The following RMST variants were observed in gnomAD, a reference collection of about 807,000 sequenced individuals.
The protein encoded by RMST is rhabdomyosarcoma 2 associated transcript, also known as long intergenic non-protein coding RNA 54.
At chr12:97,530,062 A>G (rs920708072) in intron 10 of RMST, among the ~76,000 whole-genome samples, 2 of 152,098 alleles carry the variant, frequency 1.3e-5, no homozygotes, top group Non-Finnish European at 2.9e-5. Context: ...TAATTTCACA[A>G]TGTCAGAATA....
chr12:97,499,708 G>A (rs1877876405), intron 10 of RMST, among the ~76,000 whole-genome samples: 1 of 134,348 alleles, frequency 7.4e-6, no homozygotes. Flanking sequence ...TGCCCAGACT[G>A]GAGTGCAATG....
intron 11 of RMST, among the ~76,000 whole-genome samples, chr12:97,550,602 A>C (rs1565938232): frequency 6.6e-6 from 1 of 152,136 alleles, no homozygotes; most frequent in Non-Finnish European, 1.5e-5. Flanking sequence ...CAGTAATTGC[A>C]AAGTTAAATT....
chr12:97,552,016 C>A (rs1883344930), intron 11 of RMST: 1 of 152,140 alleles, frequency 6.6e-6, no homozygotes. Context: ...TAAGAAATCG[C>A]TAAATTATTA....
intron 11 of RMST, among the ~76,000 whole-genome samples, chr12:97,545,751 T>A (rs1882881892): frequency 6.6e-6 from 1 of 152,180 alleles, no homozygotes; most frequent in Admixed American, 6.5e-5. Context: ...TGGGATTGGA[T>A]GAGGAAAAAA....
intron 10 of RMST, among the ~76,000 whole-genome samples, chr12:97,526,047 A>G (rs1881076713): frequency 6.6e-6 from 1 of 151,976 alleles, no homozygotes; most frequent in Admixed American, 6.6e-5. Context: ...ATCTAGTTGC[A>G]GGAAAACAAG....
exon 13 of RMST, chr12:97,560,988 C>T (rs1376715146): frequency 6.6e-6 from 1 of 152,332 alleles, no homozygotes; most frequent in Non-Finnish European, 1.5e-5. Flanking sequence ...GAAAGTAGAG[C>T]TCGTGCTGTG....
At chr12:97,516,551 C>A (rs1291403766) in intron 10 of RMST, among the ~76,000 whole-genome samples, 1 of 151,664 alleles carries the variant, frequency 6.6e-6, no homozygotes, top group Non-Finnish European at 1.5e-5. Flanking sequence ...TTACTTTTTT[C>A]TTCATATTTC....
intron 10 of RMST, among the ~76,000 whole-genome samples, chr12:97,512,714 C>T (rs1879499208): frequency 1.3e-5 from 2 of 152,264 alleles, no homozygotes; most frequent in South Asian, 4.1e-4. Flanking sequence ...AGGAGCCCAG[C>T]GGGCTTTACC....
intron 11 of RMST, among the ~76,000 whole-genome samples, chr12:97,538,258 T>C (rs1049503143): frequency 5.3e-5 from 8 of 151,470 alleles, no homozygotes; most frequent in Admixed American, 4.6e-4. Flanking sequence ...GAATCTTTAA[T>C]CATTTAAAAA....
At chr12:97,482,439 C>T (rs1288082771) in intron 5 of RMST, among the ~76,000 whole-genome samples, 3 of 151,978 alleles carry the variant, frequency 2.0e-5, no homozygotes, top group Non-Finnish European at 4.4e-5. Flanking sequence ...TCCCATTACT[C>T]CTCATTACTT....
At chr12:97,524,075 C>CAGAGGAAAAAAAAAAAAAAAAA (rs57255256) in intron 10 of RMST, among the ~76,000 whole-genome samples, 1 of 56,118 alleles carries the variant, frequency 1.8e-5, no homozygotes, top group Non-Finnish European at 3.2e-5. Flanking sequence ...GACTCTGTCT[C>CAGAGGAAAAAAAAAAAAAAAAA]AAAAAAAAAA....
intron 11 of RMST, among the ~76,000 whole-genome samples, chr12:97,537,286 A>C (rs1882147010): frequency 6.6e-6 from 1 of 151,330 alleles, no homozygotes; most frequent in Admixed American, 6.6e-5. Context: ...TGATGATTAA[A>C]CCCTTAGGCA....
At chr12:97,515,749 CA>C (rs1245042399) in intron 10 of RMST, among the ~76,000 whole-genome samples, 6 of 151,848 alleles carry the variant, frequency 4.0e-5, no homozygotes, top group African/African-American at 1.2e-4. Flanking sequence ...TGATAAGTCC[CA>C]GGGGTGGGGT....
At chr12:97,472,111 C>A (rs1228702638) in intron 5 of RMST, among the ~76,000 whole-genome samples, 3 of 152,184 alleles carry the variant, frequency 2.0e-5, no homozygotes, top group Non-Finnish European at 4.4e-5. Flanking sequence ...ACGAATAATA[C>A]CATTCCATTT....
chr12:97,471,146 C>T (rs1189995152), intron 5 of RMST, among the ~76,000 whole-genome samples: 2 of 152,082 alleles, frequency 1.3e-5, no homozygotes, highest in Non-Finnish European at 2.9e-5. Flanking sequence ...TCAAGTACTA[C>T]ATCTGACCTC....
At chr12:97,484,754 T>C (rs1462793701) in intron 5 of RMST, among the ~76,000 whole-genome samples, 1 of 152,190 alleles carries the variant, frequency 6.6e-6, no homozygotes, top group African/African-American at 2.4e-5. Flanking sequence ...ACTAAGACTA[T>C]TAATAACAAT....
At chr12:97,504,249 C>G (rs2136488134) in intron 10 of RMST, among the ~76,000 whole-genome samples, 1 of 151,980 alleles carries the variant, frequency 6.6e-6, no homozygotes, top group Admixed American at 6.5e-5. Flanking sequence ...ACTGAAAATA[C>G]AAAAATTAGC....
At chr12:97,466,484 A>C (rs1224121608) in intron 5 of RMST, among the ~76,000 whole-genome samples, 1 of 152,068 alleles carries the variant, frequency 6.6e-6, no homozygotes, top group African/African-American at 2.4e-5. Flanking sequence ...TATGTATATG[A>C]ACACATTTTA....
chr12:97,482,208 T>C (rs1279212129), intron 5 of RMST, among the ~76,000 whole-genome samples: 2 of 152,226 alleles, frequency 1.3e-5, no homozygotes, highest in Admixed American at 6.5e-5. Flanking sequence ...GTCTTGGGGA[T>C]TGGCAAACTT....
Sources: allele counts gnomAD v4.1 joint callset (sites outside exome capture counted in the v4.1 genomes callset), GRCh38; gene constraint gnomAD v4.1.1; transcripts MANE v1.5; gene names NCBI Gene and HGNC (gene_info 2026-07-23, HGNC 2026-07-21).